The following ZC3H18 variants were observed in gnomAD, a reference collection of about 807,000 sequenced individuals.
ZC3H18 encodes the protein zinc finger CCCH-type containing 18, also known as zinc finger CCCH domain-containing protein 18.
A neutral mutation model predicts 106.1 loss-of-function variants in ZC3H18; 8 were observed. That is an observed-to-expected ratio of 0.08 (90% confidence interval 0.04 to 0.14). The LOEUF (loss-of-function observed/expected upper bound fraction) is 0.14, where lower values mean the gene tolerates loss of function less well. Ranked by LOEUF, ZC3H18 falls within the 10% of genes least tolerant of loss-of-function variation. The pLI is 1.00. For missense variants in ZC3H18, 1,318 were observed against 1,278.4 expected (o/e 1.03, Z -0.47); for synonymous variants, 635 against 522.1 (o/e 1.22, Z -2.95).
At chr16:88,609,161 G>A (rs1406199692) in intron 7 of ZC3H18, 110 bp downstream of exon 7, 2 of 803,800 alleles carry the variant, frequency 2.5e-6, no homozygotes, top group Admixed American at 2.9e-5. Flanking sequence ...TATAGAGCCA[G>A]CACAATGTAC....
intron 15 of ZC3H18, chr16:88,628,547 C>T: frequency 1.7e-6 from 1 of 573,514 alleles, no homozygotes; most frequent in Non-Finnish European, 3.1e-6. Context: ...AGGGTGCTTC[C>T]CCTGGAACGT....
At chr16:88,573,432 G>A (rs765304687) in intron 1 of ZC3H18, among the ~76,000 whole-genome samples, 7 of 152,074 alleles carry the variant, frequency 4.6e-5, no homozygotes, top group South Asian at 2.1e-4. Flanking sequence ...CAGTCAGTGC[G>A]TAGAGGCCTT....
intron 3 of ZC3H18, among the ~76,000 whole-genome samples, chr16:88,593,972 G>A (rs1397415228): frequency 6.6e-6 from 1 of 152,222 alleles, no homozygotes; most frequent in Admixed American, 6.5e-5. Context: ...AAAGTGTGGT[G>A]ATAGGGTTCA....
rs1906180356 is a variant in ZC3H18, at chr16:88,624,602, A to G, written c.1899A>G (p.Gly633=). 4 of 1,611,976 alleles carry G rather than the reference A, an allele frequency of 2.5e-6. No homozygotes were observed. The African/African-American group carries it at 4.0e-5, about 16-fold the overall frequency. Residue 633 remains glycine, a splice_region_variant and synonymous_variant, in exon 12 of 18, where the codon GGA becomes GGG. Transcript: ENST00000301011. ...GEPAPPPGKA[G]EKSVKKPAPP... Reference sequence around the variant, plus strand: ...CTGCTCGAGCCTCCCTGTCTCACAGAGAGAAGTCAGTGAAGAAGCCGGCCC... The same window carrying G: ...CTGCTCGAGCCTCCCTGTCTCACAGGGAGAAGTCAGTGAAGAAGCCGGCCC...
intron 6 of ZC3H18, among the ~76,000 whole-genome samples, chr16:88,603,445 AC>A (rs1195589339): frequency 6.7e-6 from 1 of 149,134 alleles, no homozygotes; most frequent in African/African-American, 2.5e-5. Flanking sequence ...ACACGGTGAA[AC>A]CCCATCTCTA....
At chr16:88,584,984 C>G (rs1915351994) in intron 2 of ZC3H18, among the ~76,000 whole-genome samples, 1 of 152,186 alleles carries the variant, frequency 6.6e-6, no homozygotes, top group African/African-American at 2.4e-5. Context: ...AGAATGTGTT[C>G]TCCACTTAGA....
chr16:88,622,328 G>T lies in ZC3H18; in HGVS notation c.1607G>T (p.Ser536Ile). Residue 536 changes from serine to isoleucine, a missense_variant, in exon 9 of 18, where the codon AGC becomes ATC. By Grantham distance (142) the Ser-to-Ile change is moderately radical (BLOSUM62 -2). Coordinates refer to ENST00000301011, the MANE Select transcript of ZC3H18 (RefSeq NM_144604.4). ...KKKLGVSVSP[S>I]RARRRRKTSA... Reference sequence around the variant, plus strand: ...AAACTCGGGGTGTCGGTCTCCCCGAGCCGGGCTCGAAGGCGTCGGAAAACA... The same window carrying T: ...AAACTCGGGGTGTCGGTCTCCCCGATCCGGGCTCGAAGGCGTCGGAAAACA... 6.2e-7 allele frequency: 1 copy of T among 1,613,920 alleles called. No homozygotes were observed.
chr16:88,603,127 G>A (rs1904835289), intron 6 of ZC3H18, among the ~76,000 whole-genome samples: 1 of 151,826 alleles, frequency 6.6e-6, no homozygotes, highest in Non-Finnish European at 1.5e-5. Flanking sequence ...ACCACGCTCA[G>A]CCAATTTTTT....
chr16:88,587,774 G>C (rs186162114), intron 3 of ZC3H18, among the ~76,000 whole-genome samples: 3 of 152,216 alleles, frequency 2.0e-5, no homozygotes, highest in African/African-American at 7.2e-5. Flanking sequence ...TTAGAGGCAC[G>C]TGAGCCAGTC....
chr16:88,623,807 A>G (rs1332473284), intron 10 of ZC3H18, 151 bp from the exon 11 acceptor site: 83 of 1,367,464 alleles, frequency 6.1e-5, no homozygotes, highest in Non-Finnish European at 7.5e-5. Context: ...TTTTTAGCAG[A>G]TGACAGAACA....
intron 3 of ZC3H18, among the ~76,000 whole-genome samples, chr16:88,594,088 C>A (rs1361938327): frequency 2.0e-5 from 3 of 152,202 alleles, no homozygotes; most frequent in Non-Finnish European, 2.9e-5. Context: ...CTAGCTGCAT[C>A]TCTTCCTGGG....
chr16:88,628,699 G>A (rs1182458869), intron 15 of ZC3H18, 59 bp from the exon 16 acceptor site: 13 of 1,588,166 alleles, frequency 8.2e-6, no homozygotes, highest in Non-Finnish European at 1.1e-5. Context: ...CCTCTGGGGC[G>A]AGGACACGGC....
chr16:88,616,049 C>T (rs1053974343), intron 8 of ZC3H18, among the ~76,000 whole-genome samples: 8 of 152,272 alleles, frequency 5.3e-5, no homozygotes, highest in African/African-American at 1.7e-4. Flanking sequence ...AAGCGGGTGA[C>T]GGATCCCAGG....
At chr16:88,590,307 A>C (rs151080400) in intron 3 of ZC3H18, among the ~76,000 whole-genome samples, 64 of 152,322 alleles carry the variant, frequency 4.2e-4, no homozygotes, top group African/African-American at 1.5e-3. Flanking sequence ...TTAATCGCTT[A>C]GTGGACACAT....
chr16:88,622,054 T>C, intron 8 of ZC3H18, 143 bp from the exon 9 acceptor site: 1 of 1,012,750 alleles, frequency 9.9e-7, no homozygotes, highest in South Asian at 2.0e-5. Flanking sequence ...AGTGGCCTTT[T>C]TTCCCCTTAG....
At chr16:88,583,219 C>T (rs745685702) in intron 2 of ZC3H18, among the ~76,000 whole-genome samples, 2 of 152,226 alleles carry the variant, frequency 1.3e-5, no homozygotes, top group African/African-American at 2.4e-5. Flanking sequence ...AATACATGTT[C>T]ACAGTGTTCT....
chr16:88,583,074 C>A (rs1238973274), intron 2 of ZC3H18, among the ~76,000 whole-genome samples: 2 of 152,376 alleles, frequency 1.3e-5, no homozygotes, highest in Non-Finnish European at 2.9e-5. Context: ...AGTGGCCGTG[C>A]CAGGTTGGGC....
intron 8 of ZC3H18, among the ~76,000 whole-genome samples, chr16:88,619,591 T>TG (rs1287648307): frequency 6.6e-6 from 1 of 152,150 alleles, no homozygotes; most frequent in Admixed American, 6.5e-5. Context: ...CAGCTCTTTC[T>TG]GGGGGGCAAG....
intron 12 of ZC3H18, among the ~76,000 whole-genome samples, 153 bp from the exon 13 acceptor site, chr16:88,625,049 C>G (rs553074917): frequency 6.6e-6 from 1 of 152,322 alleles, no homozygotes; most frequent in Non-Finnish European, 1.5e-5. Context: ...TGACAAAACA[C>G]TGAGCCTAAA....
Sources: gnomAD v4.1 joint callset for allele counts (sites outside exome capture counted in the v4.1 genomes callset) on GRCh38, gnomAD v4.1.1 for gene constraint, MANE v1.5 for transcripts, NCBI Gene and HGNC (gene_info 2026-07-23, HGNC 2026-07-21) for gene names.